Variants in SDCCAG8 observed in about 807,000 individuals in gnomAD.
SDCCAG8 encodes serologically defined colon cancer antigen 8.
In SDCCAG8, 74 loss-of-function variants were observed where a neutral mutation model predicts 101.8. The observed-to-expected ratio is 0.73, with a 90% CI of 0.60 to 0.88. SDCCAG8 has a LOEUF of 0.88. SDCCAG8 is among the 40% of genes least tolerant of loss of function. SDCCAG8 has a pLI of 0.00. For missense variants in SDCCAG8, 787 were observed against 822.6 expected (o/e 0.96, Z 0.53); for synonymous variants, 281 against 292.9 (o/e 0.96, Z 0.41).
chr1:243,425,018 T>C (rs1167001210), intron 15 of SDCCAG8, among the ~76,000 whole-genome samples: 2 of 152,112 alleles, frequency 1.3e-5, no homozygotes, highest in African/African-American at 4.8e-5. Context: ...TGCCTCTAAA[T>C]TCTTTTGTAT....
At chr1:243,393,438 C>T (rs768806782) in intron 13 of SDCCAG8, among the ~76,000 whole-genome samples, 4 of 150,664 alleles carry the variant, frequency 2.7e-5, no homozygotes, top group African/African-American at 4.9e-5. Flanking sequence ...CAGTGGTGTG[C>T]CCATTGGTCT....
chr1:243,401,681 A>C (rs1247496788), intron 13 of SDCCAG8, among the ~76,000 whole-genome samples: 2 of 152,052 alleles, frequency 1.3e-5, no homozygotes, highest in Admixed American at 1.3e-4. Context: ...TTGTAATTTA[A>C]TTTTAAATGT....
intron 16 of SDCCAG8, among the ~76,000 whole-genome samples, chr1:243,467,644 G>C (rs568562865): frequency 1.4e-4 from 21 of 152,318 alleles, no homozygotes; most frequent in Non-Finnish European, 2.5e-4. Flanking sequence ...GATTTGGAAG[G>C]CTTCTCTGGA....
At position 243,378,811 on chromosome 1, in the gene SDCCAG8, C is replaced by G; in HGVS notation, c.1564C>G (p.Leu522Val). Residue 522 changes from leucine (L) to valine (V), a missense_variant, in exon 13 of 18, where the codon CTG (leucine) becomes GTG (valine). Coordinates refer to ENST00000366541, the MANE Select transcript of SDCCAG8 (RefSeq NM_006642.5). ...GGCAGCCCTGGCCAGAGAGGAGTGC[C>G]TGAGACTAACAGAACTGCTGGGCGA... Reference protein sequence around the residue: ...QKAALAREECLRLTELLGESE... With the variant: ...QKAALAREECVRLTELLGESE... 6.2e-7 allele frequency: 1 copy of G among 1,614,078 alleles called. No individual in the cohort carries two copies. Among genetic ancestry groups the G allele is most frequent in the Non-Finnish European group, 8.5e-7 (1 of 1,179,976 alleles).
intron 16 of SDCCAG8, among the ~76,000 whole-genome samples, chr1:243,438,257 G>C (rs2082280265): frequency 6.6e-6 from 1 of 152,166 alleles, no homozygotes; most frequent in African/African-American, 2.4e-5. Flanking sequence ...TGGATTCCAG[G>C]CTGGCACACT....
chr1:243,395,445 G>A (rs2078979337), intron 13 of SDCCAG8, among the ~76,000 whole-genome samples: 1 of 152,066 alleles, frequency 6.6e-6, no homozygotes, highest in South Asian at 2.1e-4. Flanking sequence ...CAATATTTTT[G>A]AAATTTCCTC....
At chr1:243,455,480 GCTGGT>G (rs1328692251) in intron 16 of SDCCAG8, among the ~76,000 whole-genome samples, 3 of 152,146 alleles carry the variant, frequency 2.0e-5, no homozygotes, top group African/African-American at 4.8e-5. Context: ...TGTTGGCCAG[GCTGGT>G]CTCGATCTCC....
intron 10 of SDCCAG8, among the ~76,000 whole-genome samples, chr1:243,332,137 G>A (rs765506432): frequency 2.7e-4 from 41 of 152,264 alleles, no homozygotes; most frequent in Middle Eastern, 3.4e-3. Context: ...GGAAAGCATC[G>A]CACTTTCTAG....
intron 16 of SDCCAG8, among the ~76,000 whole-genome samples, chr1:243,428,263 G>A (rs1043289499): frequency 6.6e-6 from 1 of 152,174 alleles, no homozygotes; most frequent in Non-Finnish European, 1.5e-5. Context: ...TTAATGGTTC[G>A]TTCATTCAAC....
intron 16 of SDCCAG8, among the ~76,000 whole-genome samples, chr1:243,473,362 T>TA (rs1403753234): frequency 6.6e-6 from 1 of 150,926 alleles, no homozygotes; most frequent in Non-Finnish European, 1.5e-5. Context: ...CCCCTCCCCC[T>TA]ACCCCTTCTT....
chr1:243,492,610 T>TTTG (rs1558548631), intron 17 of SDCCAG8, among the ~76,000 whole-genome samples: 1 of 140,318 alleles, frequency 7.1e-6, no homozygotes. Context: ...AGCTGTTTTT[T>TTTG]TTTTTTTTTT....
chr1:243,314,147 G>A (rs2073023078), intron 8 of SDCCAG8, among the ~76,000 whole-genome samples: 1 of 152,210 alleles, frequency 6.6e-6, no homozygotes, highest in Non-Finnish European at 1.5e-5. Context: ...TTGCCAAAAT[G>A]ACTACCTACC....
At chr1:243,268,821 T>C (rs2067843815) in intron 1 of SDCCAG8, among the ~76,000 whole-genome samples, 1 of 152,226 alleles carries the variant, frequency 6.6e-6, no homozygotes, top group Non-Finnish European at 1.5e-5. Flanking sequence ...ACATGGTTGG[T>C]AATGAATCAG....
intron 1 of SDCCAG8, among the ~76,000 whole-genome samples, chr1:243,267,019 C>T (rs1225135189): frequency 1.3e-5 from 2 of 150,648 alleles, no homozygotes; most frequent in Admixed American, 6.6e-5. Context: ...CCGAGGCAGG[C>T]GGATCACAAA....
chr1:243,256,326 T>A, intron 1 of SDCCAG8, 86 bp downstream of exon 1: 1 of 1,078,646 alleles, frequency 9.3e-7, no homozygotes, highest in Non-Finnish European at 1.4e-6. Context: ...TCCTAACACC[T>A]GGGTTCTGCC....
rs1314422582 is a variant in SDCCAG8 at position 243,497,839 on chromosome 1, T to C, written c.2113-1917T>C. ...GACTACAGGGGTGCGCCACCACACA[T>C]GGCTAATTTTTACAATTTTTTTTGT... On this transcript the variant is annotated intron_variant, in intron 17 of 17. Transcript: ENST00000366541. Among the ~76,000 whole-genome samples, 5 of 152,182 alleles carry C rather than the reference T, an allele frequency of 3.3e-5. No individual in the cohort carries two copies. In the East Asian group the frequency reaches 9.7e-4, roughly 29 times the overall value.
At chr1:243,420,657 A>G (rs2080934261) in intron 15 of SDCCAG8, among the ~76,000 whole-genome samples, 2 of 152,196 alleles carry the variant, frequency 1.3e-5, no homozygotes, top group Non-Finnish European at 2.9e-5. Context: ...TACTATTTTT[A>G]AAACTCTCAA....
At position 243,272,970 on chromosome 1, in the gene SDCCAG8, C is replaced by T. The variant is rs543494496; in HGVS notation, c.307-1573C>T. 1.4e-3 allele frequency among the ~76,000 whole-genome samples: 211 copies of T among 152,284 alleles called. 1 individual carries two copies. Among genetic ancestry groups the T allele is most frequent in the African/African-American group, 4.7e-3 (196 of 41,564 alleles). On this transcript the variant is annotated intron_variant, in intron 3 of 17. Transcript: ENST00000366541. The stretch of plus-strand genomic sequence containing the variant: ...CCTTCAAAGTAGACACAAATGATTT[C>T]ATGTGAACATTTTTCATACAATATT...
At chr1:243,386,678 G>A (rs911264115) in intron 13 of SDCCAG8, among the ~76,000 whole-genome samples, 11 of 152,042 alleles carry the variant, frequency 7.2e-5, no homozygotes, top group African/African-American at 2.4e-4. Context: ...TCTTGAACCC[G>A]GGAAGTGGAG....
Sources: allele counts gnomAD v4.1 joint callset (sites outside exome capture counted in the v4.1 genomes callset), GRCh38; gene constraint gnomAD v4.1.1; transcripts MANE v1.5; gene names NCBI Gene and HGNC (gene_info 2026-07-23, HGNC 2026-07-21).